NLRP12: variants seen among roughly 807,000 people sequenced by gnomAD.
NLRP12 encodes the protein NACHT, LRR and PYD domains-containing protein 12.
Under a neutral mutation model 91.2 loss-of-function variants are expected in NLRP12, and 108 were observed. The ratio of observed to expected loss-of-function variants is 1.18; its 90% CI spans 1.01 to 1.39. The LOEUF is 1.39. Among genes scored for constraint, NLRP12 ranks in the 40% most tolerant of loss-of-function variants. The pLI, the probability that NLRP12 is intolerant of heterozygous loss-of-function variation, is 0.00. For synonymous variants in NLRP12, 613 were observed against 566.7 expected (o/e 1.08, Z -1.16); for missense variants, 1,530 against 1,352.7 (o/e 1.13, Z -2.06).
intron 8 of NLRP12, among the ~76,000 whole-genome samples, chr19:53,796,612 G>A (rs2091766121): frequency 6.6e-6 from 1 of 152,038 alleles, no homozygotes; most frequent in Non-Finnish European, 1.5e-5. Flanking sequence ...TCAAACTCCT[G>A]ACCTCAAGTG....
At chr19:53,814,560 G>A (rs1450657944) in intron 2 of NLRP12, among the ~76,000 whole-genome samples, 20 of 151,864 alleles carry the variant, frequency 1.3e-4, no homozygotes, top group Admixed American at 1.3e-3. Context: ...CATGTTGTCC[G>A]GGCTGGTCTT....
intron 5 of NLRP12, among the ~76,000 whole-genome samples, chr19:53,804,385 T>G (rs1384038244): frequency 7.5e-6 from 1 of 133,978 alleles, no homozygotes; most frequent in Non-Finnish European, 1.6e-5. Context: ...GTTTTTTGTT[T>G]TTTTTGGGTT....
In NLRP12 at chr19:53,795,932, C is replaced by T. The variant is rs1256306834; in HGVS notation, c.3025G>A (p.Ala1009Thr). The change falls in exon 9 of 10, where the codon GCC becomes ACC. Residue 1009 changes from alanine (A) to threonine (T), a missense_variant. Coordinates refer to ENST00000324134, the MANE Select transcript of NLRP12 (RefSeq NM_144687.4). ...TLTDLYLTNN[A>T]LGDTGVRLLC... is the part of the protein sequence containing the mutation. Reference sequence around the variant, plus strand: ...AGTCGGACACCTGTGTCCCCTAGGGCGTTGTTGGTCAGGTAAAGGTCGGTC... The same window carrying T: ...AGTCGGACACCTGTGTCCCCTAGGGTGTTGTTGGTCAGGTAAAGGTCGGTC... The T allele has an allele frequency of 8.1e-6, 13 of 1,614,000 alleles. No individual in the cohort carries two copies. Among genetic ancestry groups the T allele is most frequent in the Admixed American group, 3.3e-5 (2 of 59,966 alleles).
Position 53,813,069 on chromosome 19 carries a change from C to T in NLRP12, c.371-1781G>A, listed in dbSNP as rs180955357. 2.7e-4 allele frequency among the ~76,000 whole-genome samples: 41 copies of T among 151,448 alleles called. No homozygotes were observed. In the East Asian group the frequency reaches 7.1e-3, roughly 26 times the overall value. The stretch of plus-strand genomic sequence containing the variant: ...CTGATTTTTGTATTTTTAGTAGAGA[C>T]GGAGTTTCACCATGTTGGCCAGGCT... On this transcript the variant is annotated intron_variant, in intron 2 of 9. Transcript: ENST00000324134.
Position 53,807,582 on chromosome 19 carries a change from G to C in NLRP12, c.2156C>G (p.Ser719Cys). The C allele has an allele frequency of 1.2e-6, 2 of 1,614,124 alleles. No individual in the cohort carries two copies. The highest frequency in any genetic ancestry group is 1.7e-6 in the Non-Finnish European group (2 of 1,180,018). The change falls in exon 4 of 10, where the codon TCT becomes TGT. Residue 719 changes from serine to cysteine, a missense_variant. Ser to Cys is a moderately radical substitution (Grantham distance 112, BLOSUM62 -1). Transcript: ENST00000324134. ...LCTNPNLIEL[S>C]LYRNALGSRG... ...GCTGCCCAGGGCATTTCGGTACAGA[G>C]ACAGCTCTATCAGGTTTGGATTGGT...
chr19:53,815,106 T>A (rs2092137191), intron 1 of NLRP12, 118 bp from the exon 2 acceptor site: 1 of 783,676 alleles, frequency 1.3e-6, no homozygotes, highest in Admixed American at 1.9e-5. Flanking sequence ...CACCCCAGAA[T>A]GTTCAGTAGT....
chr19:53,815,729 CT>C (rs2092148544), intron 1 of NLRP12, among the ~76,000 whole-genome samples: 1 of 152,100 alleles, frequency 6.6e-6, no homozygotes. Context: ...CTGCCTCAGC[CT>C]CCTGAGTAGC....
At chr19:53,813,278 AT>A (rs1187109825) in intron 2 of NLRP12, among the ~76,000 whole-genome samples, 39 of 110,022 alleles carry the variant, frequency 3.5e-4, no homozygotes, top group African/African-American at 1.3e-3. Flanking sequence ...GGCAACTGCT[AT>A]TCTTTTTTTT....
chr19:53,814,817 C>CA (rs2092131861), intron 2 of NLRP12, 91 bp downstream of exon 2: 2 of 1,007,682 alleles, frequency 2.0e-6, no homozygotes, highest in African/African-American at 3.2e-5. Context: ...CCCACGAATT[C>CA]CTCAATCACG....
Position 53,801,316 on chromosome 19 carries a change from C to A in NLRP12, c.2667G>T (p.Leu889=), listed in dbSNP as rs747630531. The A allele has an allele frequency of 1.1e-5, 18 of 1,613,896 alleles. No homozygotes were observed. The highest frequency in any genetic ancestry group is 1.6e-4 in the Middle Eastern group (1 of 6,084). ...CCCCCAGCTCATTCAGGCTCAGGTC[C>A]AGCTCTCTCAGGCTCTGGTTCACAC... ...TLSVNQSLRE[L]DLSLNELGDL... is the part of the protein sequence containing the mutation. Residue 889 remains leucine, a synonymous_variant, in exon 7 of 10, where the codon CTG becomes CTT. Coordinates refer to ENST00000324134, the MANE Select transcript of NLRP12 (RefSeq NM_144687.4).
At position 53,793,821 on chromosome 19, in the gene NLRP12, G is replaced by A. The variant is rs1190963279; in HGVS notation, c.*228C>T. The stretch of plus-strand genomic sequence containing the variant: ...AGGCTAATCTCAAACTCCTGACCTC[G>A]TGATCCACCTGCCTCGGCCTCTCGA... On this transcript the variant is annotated 3_prime_UTR_variant, in exon 10 of 10. Coordinates refer to ENST00000324134, the MANE Select transcript of NLRP12 (RefSeq NM_144687.4). 1 of 611,966 alleles carries A rather than the reference G, an allele frequency of 1.6e-6. No individual in the cohort carries two copies. The highest frequency in any genetic ancestry group is 2.8e-5 in the East Asian group (1 of 35,268). 37.9% of individuals were successfully genotyped at this position (611,966 alleles called of 1,614,324 possible).
intron 1 of NLRP12, among the ~76,000 whole-genome samples, chr19:53,822,525 G>T (rs1246713930): frequency 5.3e-5 from 8 of 151,938 alleles, no homozygotes; most frequent in Admixed American, 1.3e-4. Context: ...GAGGTCAGAA[G>T]TTCAAGACCA....
intron 5 of NLRP12, 152 bp from the exon 6 acceptor site, chr19:53,804,274 C>A: frequency 1.2e-6 from 1 of 849,144 alleles, no homozygotes. Flanking sequence ...CTCGCTGAAG[C>A]CTCGACCTCC....
intron 3 of NLRP12, chr19:53,808,137 A>T: frequency 9.8e-6 from 3 of 304,812 alleles, no homozygotes; most frequent in Non-Finnish European, 1.9e-5. Flanking sequence ...GGCTCACTGT[A>T]GGCTTGACCT....
intron 1 of NLRP12, among the ~76,000 whole-genome samples, chr19:53,823,447 T>TTTA (rs1568702827): frequency 3.0e-5 from 2 of 66,010 alleles, no homozygotes; most frequent in African/African-American, 8.5e-5. Context: ...ATATATGTTT[T>TTTA]AAATATATAT....
Position 53,795,995 on chromosome 19 carries a change from C to T in NLRP12, c.2962G>A (p.Glu988Lys), listed in dbSNP as rs1215467421. 6.2e-7 allele frequency: 1 copy of T among 1,614,142 alleles called. No homozygotes were observed. Among genetic ancestry groups the T allele is most frequent in the Admixed American group, 1.7e-5 (1 of 60,004 alleles). ...DSCGLTAKACENLYFTLGINQ... is the reference protein window; with the variant it reads ...DSCGLTAKACKNLYFTLGINQ... Reference sequence around the variant, plus strand: ...ATCCCCAGGGTGAAGTAAAGATTCTCACAAGCCTTGGCTGTGAGGCCACAG... The same window carrying T: ...ATCCCCAGGGTGAAGTAAAGATTCTTACAAGCCTTGGCTGTGAGGCCACAG... Residue 988 changes from glutamate (E) to lysine (K), a missense_variant, in exon 9 of 10, where the codon GAG (glutamate) becomes AAG (lysine). Transcript: ENST00000324134.
intron 2 of NLRP12, among the ~76,000 whole-genome samples, chr19:53,813,303 T>TTTTTTTTTTTTTTTTTTTTTC (rs2092108197): frequency 9.0e-6 from 1 of 110,598 alleles, no homozygotes; most frequent in South Asian, 3.4e-4. Flanking sequence ...TCTTTTCTTT[T>TTTTTTTTTTTTTTTTTTTTTC]TTTTTTTTTT....
chr19:53,819,485 ATATACATATGTGTATATATATG>A lies in NLRP12; in HGVS notation c.289+4379_289+4400del, dbSNP rs1400342812. ...TGTGTGTGTGTGTGTGTGTGTGTGTATATACATATGTGTATATATATGTATACATATGTGTATATATGTGTGT... is the reference window on the plus strand; with the variant it reads ...TGTGTGTGTGTGTGTGTGTGTGTGTATATACATATGTGTATATATGTGTGT... On this transcript the variant is annotated intron_variant, in intron 1 of 9. Transcript: ENST00000324134. 5.4e-4 allele frequency among the ~76,000 whole-genome samples: 4 copies of A among 7,358 alleles called. 2 individuals carry two copies. Among genetic ancestry groups the A allele is most frequent in the Non-Finnish European group, 1.2e-3 (4 of 3,206 alleles). 4.8% of individuals were successfully genotyped at this position (7,358 alleles called of 152,430 possible). A position where few individuals can be genotyped will look rare whatever the true frequency, so the allele number is the denominator to read the frequency against.
At position 53,811,270 on chromosome 19, in the gene NLRP12, C is replaced by T. The variant is rs780595959; in HGVS notation, c.389G>A (p.Arg130Lys). The T allele has an allele frequency of 6.2e-7, 1 of 1,613,914 alleles. No homozygotes were observed. The highest frequency in any genetic ancestry group is 8.5e-7 in the Non-Finnish European group (1 of 1,180,014). The stretch of plus-strand genomic sequence containing the variant: ...CCGGAATTTCCTGCGGACATAGTCC[C>T]TGTAGGTTTCCTGGGGATCTAGGGG... ...TPRKDPQETY[R>K]DYVRRKFRLM... Residue 130 changes from arginine (R) to lysine (K), a missense_variant, in exon 3 of 10, where the codon AGG (arginine) becomes AAG (lysine). Transcript: ENST00000324134.
Sources: allele counts gnomAD v4.1 joint callset (sites outside exome capture counted in the v4.1 genomes callset), GRCh38; gene constraint gnomAD v4.1.1; transcripts MANE v1.5; gene names NCBI Gene and HGNC (gene_info 2026-07-23, HGNC 2026-07-21).